The following TYW1 variants were observed in gnomAD, a reference collection of about 807,000 sequenced individuals.
The protein encoded by TYW1 is tRNA-yW synthesizing protein 1 homolog, also known as S-adenosyl-L-methionine-dependent tRNA 4-demethylwyosine synthase TYW1.
TYW1 carries 46 observed loss-of-function variants against 96.2 expected under a neutral mutation model. The ratio of observed to expected loss-of-function variants is 0.48; its 90% CI spans 0.38 to 0.61. The LOEUF is 0.61. Ranked by LOEUF, TYW1 falls within the 20% of genes least tolerant of loss-of-function variation. The pLI is 0.00. For synonymous variants in TYW1, 274 were observed against 323.0 expected (o/e 0.85, Z 1.63); for missense variants, 684 against 909.6 (o/e 0.75, Z 3.19).
chr7:67,200,407 A>C (rs1800554168), intron 15 of TYW1, among the ~76,000 whole-genome samples: 1 of 152,108 alleles, frequency 6.6e-6, no homozygotes, highest in Non-Finnish European at 1.5e-5. Flanking sequence ...GCCTCACAAT[A>C]ATGGTGGAAG....
At chr7:67,136,079 T>G (rs1798245524) in intron 13 of TYW1, among the ~76,000 whole-genome samples, 1 of 152,206 alleles carries the variant, frequency 6.6e-6, no homozygotes, top group African/African-American at 2.4e-5. Flanking sequence ...GCTGTTTGGC[T>G]TCATGGTATA....
chr7:67,063,004 C>T (rs1423986619), intron 9 of TYW1, among the ~76,000 whole-genome samples: 13 of 152,096 alleles, frequency 8.5e-5, no homozygotes, highest in African/African-American at 3.1e-4. Context: ...TAAAAGAGAA[C>T]TAAAGACTAA....
At position 67,092,886 on chromosome 7, in the gene TYW1, T is replaced by C. The variant is rs1243909003; in HGVS notation, c.1385-5655T>C. On this transcript the variant is annotated intron_variant, in intron 11 of 15. Coordinates refer to ENST00000359626, the MANE Select transcript of TYW1 (RefSeq NM_018264.4). Reference sequence around the variant, plus strand: ...TTTTGGTAGAGATGGGGTTTCACCATGTTGTTCAGGCTGGTCTCGAACCCC... The same window carrying C: ...TTTTGGTAGAGATGGGGTTTCACCACGTTGTTCAGGCTGGTCTCGAACCCC... Among the ~76,000 whole-genome samples the C allele has an allele frequency of 3.3e-5, 5 of 151,792 alleles. No homozygotes were observed. The East Asian group carries it at 9.7e-4, about 30-fold the overall frequency.
At chr7:67,050,161 C>G in intron 8 of TYW1, 95 bp downstream of exon 8, 1 of 1,416,182 alleles carries the variant, frequency 7.1e-7, no homozygotes, top group Non-Finnish European at 9.8e-7. Flanking sequence ...AGCTCAGCAG[C>G]TGTTCATAGT....
intron 13 of TYW1, among the ~76,000 whole-genome samples, chr7:67,131,019 C>T (rs919745306): frequency 5.9e-5 from 9 of 151,948 alleles, no homozygotes; most frequent in African/African-American, 2.2e-4. Flanking sequence ...ACATGATTGC[C>T]ACATAAGTAT....
intron 7 of TYW1, among the ~76,000 whole-genome samples, chr7:67,027,227 T>C (rs1794481062): frequency 6.6e-6 from 1 of 151,954 alleles, no homozygotes; most frequent in Non-Finnish European, 1.5e-5. Context: ...GTGAAACGTC[T>C]GTTAGCTTGT....
In TYW1 at chr7:67,200,144, G is replaced by A. The variant is rs189173203; in HGVS notation, c.1977+4807G>A. 5.3e-5 allele frequency among the ~76,000 whole-genome samples: 8 copies of A among 152,236 alleles called. No individual in the cohort carries two copies. In the East Asian group the frequency reaches 1.5e-3, roughly 29 times the overall value. On this transcript the variant is annotated intron_variant, in intron 15 of 15. Transcript: ENST00000359626. ...CAAAACCAGACATGGCACCAAGTGT[G>A]CGCCAGGACAAAGGAGAGAATCTGA...
At chr7:67,028,880 AAAG>A (rs1223508641) in intron 7 of TYW1, among the ~76,000 whole-genome samples, 3 of 152,250 alleles carry the variant, frequency 2.0e-5, no homozygotes, top group Non-Finnish European at 2.9e-5. Context: ...CTGGTTGAAA[AAAG>A]CATGGTATAT....
chr7:67,064,701 C>A (rs1795806496), intron 9 of TYW1, among the ~76,000 whole-genome samples: 1 of 152,118 alleles, frequency 6.6e-6, no homozygotes, highest in South Asian at 2.1e-4. Flanking sequence ...TTCAGTTCCT[C>A]CCCGGGTCTC....
chr7:67,162,981 T>G (rs887227814), intron 13 of TYW1, among the ~76,000 whole-genome samples: 3 of 152,218 alleles, frequency 2.0e-5, no homozygotes, highest in African/African-American at 4.8e-5. Context: ...CCTTACCACT[T>G]ATTTATTCTC....
intron 7 of TYW1, among the ~76,000 whole-genome samples, chr7:67,030,405 G>A (rs187963262): frequency 6.6e-5 from 10 of 152,120 alleles, no homozygotes; most frequent in East Asian, 3.9e-4. Context: ...TGAGGCAGGC[G>A]GATCACCTGA....
At chr7:67,224,620 C>T (rs1288105303) in intron 15 of TYW1, among the ~76,000 whole-genome samples, 1 of 152,192 alleles carries the variant, frequency 6.6e-6, no homozygotes, top group Admixed American at 6.5e-5. Flanking sequence ...AACTCTAAAT[C>T]GAGGTATTTC....
intron 14 of TYW1, among the ~76,000 whole-genome samples, chr7:67,187,904 A>G (rs1240107569): frequency 1.3e-5 from 2 of 152,256 alleles, no homozygotes; most frequent in African/African-American, 4.8e-5. Flanking sequence ...AAATGAAATC[A>G]GTAAATGGAG....
intron 14 of TYW1, among the ~76,000 whole-genome samples, chr7:67,192,514 C>A (rs1350847050): frequency 1.3e-5 from 2 of 152,146 alleles, no homozygotes; most frequent in Non-Finnish European, 2.9e-5. Flanking sequence ...TTTGTGTAAT[C>A]CACACATAAG....
intron 15 of TYW1, among the ~76,000 whole-genome samples, chr7:67,196,582 A>G (rs1163671772): frequency 6.6e-6 from 1 of 152,008 alleles, no homozygotes; most frequent in African/African-American, 2.4e-5. Context: ...CTTTTTCCTT[A>G]TGGAATCTGA....
intron 13 of TYW1, among the ~76,000 whole-genome samples, chr7:67,165,504 A>G (rs1056228220): frequency 1.3e-5 from 2 of 151,556 alleles, no homozygotes; most frequent in African/African-American, 4.9e-5. Flanking sequence ...TTTGACAACC[A>G]TCAGCATTCT....
At chr7:67,199,534 TTTA>T (rs1800521904) in intron 15 of TYW1, among the ~76,000 whole-genome samples, 1 of 152,196 alleles carries the variant, frequency 6.6e-6, no homozygotes, top group Admixed American at 6.5e-5. Flanking sequence ...GATAAAATGT[TTTA>T]TTGATTGTAA....
intron 15 of TYW1, among the ~76,000 whole-genome samples, chr7:67,199,616 C>T (rs942731437): frequency 7.9e-5 from 12 of 152,072 alleles, no homozygotes; most frequent in African/African-American, 2.4e-4. Context: ...AAACAAAAGC[C>T]CTCCCTTTCC....
intron 5 of TYW1, among the ~76,000 whole-genome samples, chr7:67,017,101 A>T (rs4626481): frequency 6.6e-6 from 1 of 150,960 alleles, no homozygotes; most frequent in African/African-American, 2.4e-5. Context: ...TCATGACTCG[A>T]CCTTACAAGT....
Sources: allele counts gnomAD v4.1 joint callset (sites outside exome capture counted in the v4.1 genomes callset), GRCh38; gene constraint gnomAD v4.1.1; transcripts MANE v1.5; gene names NCBI Gene and HGNC (gene_info 2026-07-23, HGNC 2026-07-21).